CES5A: variants seen among roughly 807,000 people sequenced by gnomAD.
CES5A encodes the protein carboxylesterase 5.
CES5A carries 67 observed loss-of-function variants against 62.9 expected under a neutral mutation model. The observed-to-expected ratio is 1.07, with a 90% CI of 0.88 to 1.31. CES5A has a LOEUF of 1.31. CES5A is among the 50% of genes most tolerant of loss of function. CES5A has a pLI of 0.00. For synonymous variants in CES5A, 296 were observed against 280.8 expected (o/e 1.05, Z -0.54); for missense variants, 748 against 708.5 (o/e 1.06, Z -0.63).
At chr16:55,884,097 T>A (rs1387116774) in intron 1 of CES5A, among the ~76,000 whole-genome samples, 15 of 152,256 alleles carry the variant, frequency 9.9e-5, no homozygotes, top group Admixed American at 3.3e-4. Context: ...AGGAAAATTA[T>A]CATGGTATAT....
chr16:55,851,050 A>G (rs1356028908), intron 10 of CES5A, among the ~76,000 whole-genome samples: 7 of 152,234 alleles, frequency 4.6e-5, no homozygotes, highest in African/African-American at 1.2e-4. Context: ...ATAAGAAAAT[A>G]TAGTGGTAAA....
At chr16:55,855,838 C>T (rs2033231834) in intron 9 of CES5A, among the ~76,000 whole-genome samples, 1 of 152,040 alleles carries the variant, frequency 6.6e-6, no homozygotes. Flanking sequence ...CGACCTGTGT[C>T]CCCCACCAAA....
chr16:55,898,636 T>C (rs980146508), intron 1 of CES5A, among the ~76,000 whole-genome samples: 2 of 152,100 alleles, frequency 1.3e-5, no homozygotes, highest in Admixed American at 6.5e-5. Flanking sequence ...TGCTTTAAAG[T>C]CTCATCTCCA....
intron 2 of CES5A, chr16:55,943,968 G>A: frequency 2.9e-6 from 2 of 698,720 alleles, no homozygotes; most frequent in Non-Finnish European, 2.6e-6. Context: ...TCCCATATGA[G>A]CATTATCAGC....
intron 1 of CES5A, among the ~76,000 whole-genome samples, chr16:55,905,783 A>T (rs566402491): frequency 2.0e-5 from 3 of 152,350 alleles, no homozygotes; most frequent in Admixed American, 2.0e-4. Context: ...GGGCCTTAGC[A>T]TCAAGTTGCT....
At chr16:55,849,865 A>G in intron 10 of CES5A, 92 bp from the exon 11 acceptor site, 1 of 1,401,222 alleles carries the variant, frequency 7.1e-7, no homozygotes, top group Non-Finnish European at 9.7e-7. Flanking sequence ...GGATGTATAG[A>G]CCCAGGGGTG....
At chr16:55,863,009 T>G (rs1170014131) in intron 6 of CES5A, among the ~76,000 whole-genome samples, 1 of 152,242 alleles carries the variant, frequency 6.6e-6, no homozygotes, top group Non-Finnish European at 1.5e-5. Context: ...CATAATGCCC[T>G]GGGTATTCAT....
chr16:55,874,112 C>T, intron 1 of CES5A, 75 bp from the exon 2 acceptor site: 1 of 1,332,534 alleles, frequency 7.5e-7, no homozygotes, highest in Non-Finnish European at 1.0e-6. Context: ...TCTGGAGCTC[C>T]CCAGTGGGGA....
intron 2 of CES5A, among the ~76,000 whole-genome samples, chr16:55,931,010 T>C (rs2034305482): frequency 6.6e-6 from 1 of 152,196 alleles, no homozygotes; most frequent in South Asian, 2.1e-4. Flanking sequence ...ACATTTTTGG[T>C]GGATTACCAA....
At chr16:55,875,528 T>C (rs1390218209), upstream of CES5A, among the ~76,000 whole-genome samples, 1 of 152,216 alleles carries the variant, frequency 6.6e-6, no homozygotes, top group African/African-American at 2.4e-5. Context: ...CAAGACATTT[T>C]AAGATTATGA....
chr16:55,866,599 G>A, intron 4 of CES5A, among the ~76,000 whole-genome samples: 1 of 147,246 alleles, frequency 6.8e-6, no homozygotes, highest in East Asian at 2.0e-4. Context: ...GAGGCGGGCA[G>A]ATCATGATGT....
chr16:55,893,010 C>G (rs1413159020), intron 1 of CES5A, among the ~76,000 whole-genome samples: 1 of 152,112 alleles, frequency 6.6e-6, no homozygotes, highest in Admixed American at 6.5e-5. Context: ...CCTGGCAGGT[C>G]GAAATCCGGA....
Position 55,871,607 on chromosome 16 carries a change from C to G in CES5A, c.417+18G>C, listed in dbSNP as rs368224955. ...GTCCTGCTAGCTAGAGCCCGAAGCA[C>G]ACAGCAGGCAGCCTTACGGGGAGCT... On this transcript the variant is annotated intron_variant, in intron 3 of 12. Coordinates refer to ENST00000290567, the MANE Select transcript of CES5A (RefSeq NM_001143685.2). 1.2e-6 allele frequency: 2 copies of G among 1,613,412 alleles called. No homozygotes were observed. Among genetic ancestry groups the G allele is most frequent in the African/African-American group, 2.7e-5 (2 of 74,924 alleles).
chr16:55,953,444 G>A (rs973993551), intron 1 of CES5A, among the ~76,000 whole-genome samples: 2 of 152,092 alleles, frequency 1.3e-5, no homozygotes, highest in African/African-American at 4.8e-5. Context: ...CCAAATGTGA[G>A]TTAAACAAGT....
intron 1 of CES5A, among the ~76,000 whole-genome samples, chr16:55,919,463 A>T (rs1269948252): frequency 6.6e-6 from 1 of 152,086 alleles, no homozygotes; most frequent in Non-Finnish European, 1.5e-5. Flanking sequence ...TTCCCTACCC[A>T]AATGATTTTA....
chr16:55,919,631 C>A (rs947294887), intron 1 of CES5A, among the ~76,000 whole-genome samples: 6 of 152,182 alleles, frequency 3.9e-5, no homozygotes, highest in Non-Finnish European at 8.8e-5. Context: ...GATGAAACAA[C>A]CTTTGTGAAT....
In CES5A at chr16:55,869,142, C is replaced by A. The variant is rs552852169; in HGVS notation, c.551+469G>T. ...AGGGCACACAGTGGGGCTACATGGC[C>A]CCAGCTCGCTTGCAGCTGGATGTGG... On this transcript the variant is annotated intron_variant, in intron 4 of 12. Coordinates refer to ENST00000290567, the MANE Select transcript of CES5A (RefSeq NM_001143685.2). Among the ~76,000 whole-genome samples the A allele has an allele frequency of 6.6e-5, 10 of 152,326 alleles. No homozygotes were observed. In the South Asian group the frequency reaches 2.1e-3, roughly 32 times the overall value.
Position 55,919,915 on chromosome 16 carries a change from A to G in CES5A, c.-256+5408T>C, listed in dbSNP as rs142469909. 1.7e-3 allele frequency among the ~76,000 whole-genome samples: 262 copies of G among 152,276 alleles called. 2 individuals are homozygous for G. The highest frequency in any genetic ancestry group is 6.0e-3 in the African/African-American group (251 of 41,548). ...GGAGTCCTGAAAGGCAGCTATAGTT[A>G]TTATCCCTATTCTCCAGAAGAGAAA... is the stretch of plus-strand genomic sequence containing the variant. On this transcript the variant is annotated intron_variant, in intron 1 of 12. Transcript: ENST00000518005.
intron 1 of CES5A, among the ~76,000 whole-genome samples, chr16:55,900,867 C>T (rs563053823): frequency 5.3e-5 from 8 of 152,218 alleles, no homozygotes; most frequent in African/African-American, 1.4e-4. Flanking sequence ...TTCGTTCAAA[C>T]ACTTGTCTTT....
Sources: gnomAD v4.1 joint callset for allele counts (sites outside exome capture counted in the v4.1 genomes callset) on GRCh38, gnomAD v4.1.1 for gene constraint, MANE v1.5 for transcripts, NCBI Gene and HGNC (gene_info 2026-07-23, HGNC 2026-07-21) for gene names.